Variants in ATOSA observed in about 807,000 individuals in gnomAD.
ATOSA encodes the protein atos homolog protein A.
the ATOSA span, among the ~76,000 whole-genome samples, chr15:52,670,099 T>C: frequency 1.3e-5 from 2 of 152,210 alleles, no homozygotes; most frequent in Admixed American, 1.3e-4. Context: ...GCATTAAAGA[T>C]TGGGTAGTTC....
At chr15:52,613,012 TAAC>T in the ATOSA span, among the ~76,000 whole-genome samples, 4 of 150,868 alleles carry the variant, frequency 2.7e-5, no homozygotes, top group Non-Finnish European at 5.9e-5. Context: ...AAAATAATCA[TAAC>T]AACATCAATT....
At chr15:52,632,893 A>G in the ATOSA span, among the ~76,000 whole-genome samples, 1 of 152,234 alleles carries the variant, frequency 6.6e-6, no homozygotes, top group Non-Finnish European at 1.5e-5. Context: ...ATGGCCAAGG[A>G]AAAGTGATAA....
At chr15:52,678,053 G>A in the ATOSA span, 2 of 1,613,958 alleles carry the variant, frequency 1.2e-6, no homozygotes, top group South Asian at 1.1e-5. Flanking sequence ...AGAGTGCTGT[G>A]AAATGCACCT....
chr15:52,583,390 G>GTCATTCATTCATTCAT, the ATOSA span, among the ~76,000 whole-genome samples: 1,328 of 150,866 alleles, frequency 8.8e-3, 25 homozygotes, highest in East Asian at 0.089. Flanking sequence ...TTCATACCAT[G>GTCATTCATTCATTCAT]TCATTCATTC....
chr15:52,593,577 C>A, the ATOSA span: 1 of 1,556,382 alleles, frequency 6.4e-7, no homozygotes, highest in Non-Finnish European at 8.7e-7. Flanking sequence ...AAAATACTTG[C>A]CATATAAGGA....
At chr15:52,645,967 TC>T in the ATOSA span, among the ~76,000 whole-genome samples, 2 of 152,190 alleles carry the variant, frequency 1.3e-5, no homozygotes, top group South Asian at 2.1e-4. Context: ...GCTGTTTTTT[TC>T]CCCCAGCTTC....
chr15:52,636,082 A>T, the ATOSA span, among the ~76,000 whole-genome samples: 1 of 146,536 alleles, frequency 6.8e-6, no homozygotes, highest in Non-Finnish European at 1.5e-5. Context: ...ATATTAAATT[A>T]AAATAATAAA....
the ATOSA span, among the ~76,000 whole-genome samples, chr15:52,643,475 G>A: frequency 3.0e-4 from 27 of 91,474 alleles, no homozygotes; most frequent in Non-Finnish European, 5.8e-4. Context: ...TTTTTGTAGC[G>A]ACAGCATCTC....
the ATOSA span, among the ~76,000 whole-genome samples, chr15:52,601,411 A>AT: frequency 1.3e-5 from 2 of 151,834 alleles, no homozygotes; most frequent in Admixed American, 6.6e-5. Context: ...AAGCAGAAAC[A>AT]TTTTTTTCCA....
chr15:52,609,375 G>C, the ATOSA span: 1 of 1,613,870 alleles, frequency 6.2e-7, no homozygotes, highest in Admixed American at 1.7e-5. Context: ...CAACCGAACT[G>C]GAGTCATGCA....
chr15:52,627,708 T>G, the ATOSA span, among the ~76,000 whole-genome samples: 1,561 of 152,236 alleles, frequency 0.01, 26 homozygotes, highest in African/African-American at 0.036. Context: ...TTGCTTTTAT[T>G]TTACTATGAT....
chr15:52,682,790 A>G, the ATOSA span, among the ~76,000 whole-genome samples: 1 of 152,380 alleles, frequency 6.6e-6, no homozygotes, highest in African/African-American at 2.4e-5. Flanking sequence ...TTGAAACAAG[A>G]TGAAATGCAA....
chr15:52,640,417 T>C, the ATOSA span, among the ~76,000 whole-genome samples: 5 of 151,508 alleles, frequency 3.3e-5, no homozygotes, highest in Admixed American at 6.6e-5. Context: ...AATACAAAAA[T>C]GAGCTGGGTG....
the ATOSA span, among the ~76,000 whole-genome samples, chr15:52,659,027 G>C: frequency 2.6e-5 from 4 of 151,994 alleles, no homozygotes; most frequent in Admixed American, 2.0e-4. Flanking sequence ...TACAATTTCT[G>C]TAAGTTTGTA....
the ATOSA span, chr15:52,611,459 A>G: frequency 5.5e-5 from 66 of 1,202,352 alleles, no homozygotes; most frequent in Middle Eastern, 2.8e-4. Flanking sequence ...TATAAATACT[A>G]TCTCAATTTT....
At chr15:52,626,745 C>T in the ATOSA span, among the ~76,000 whole-genome samples, 1 of 152,146 alleles carries the variant, frequency 6.6e-6, no homozygotes, top group Non-Finnish European at 1.5e-5. Flanking sequence ...ATTTCCAAAT[C>T]TCATCCAGTG....
chr15:52,582,265 G>A, the ATOSA span: 6 of 1,598,122 alleles, frequency 3.8e-6, no homozygotes, highest in Admixed American at 1.8e-5. Flanking sequence ...GGAGCCGTAC[G>A]TCTCTATGGA....
chr15:52,612,816 G>A, the ATOSA span, among the ~76,000 whole-genome samples: 2 of 151,928 alleles, frequency 1.3e-5, no homozygotes, highest in Admixed American at 6.6e-5. Context: ...AAATAGACAC[G>A]ATTTTTAGAG....
At chr15:52,671,294 T>C in the ATOSA span, among the ~76,000 whole-genome samples, 16 of 152,244 alleles carry the variant, frequency 1.1e-4, no homozygotes, top group Admixed American at 2.0e-4. Context: ...TATAAAATTG[T>C]GATAACAGCC....
Sources: allele counts gnomAD v4.1 joint callset (sites outside exome capture counted in the v4.1 genomes callset), GRCh38; gene constraint gnomAD v4.1.1; transcripts MANE v1.5; gene names NCBI Gene and HGNC (gene_info 2026-07-23, HGNC 2026-07-21).